PARD3B: variants seen among roughly 807,000 people sequenced by gnomAD.
PARD3B encodes partitioning defective 3 homolog B.
Under a neutral mutation model 130.2 loss-of-function variants are expected in PARD3B, and 103 were observed. The ratio of observed to expected loss-of-function variants is 0.79; its 90% CI spans 0.67 to 0.93. The LOEUF (loss-of-function observed/expected upper bound fraction) is 0.93. Among genes scored for constraint, PARD3B ranks in the 40% least tolerant of loss-of-function variants. PARD3B has a pLI of 0.00. For synonymous variants in PARD3B, 583 were observed against 553.2 expected, an observed-to-expected ratio of 1.05 and a Z score of -0.76; for missense variants, 1,609 against 1,499.2, an observed-to-expected ratio of 1.07 and a Z score of -1.21.
chr2:204,678,322 C>T lies in PARD3B; in HGVS notation c.121-7859C>T, dbSNP rs182877079. Among the ~76,000 whole-genome samples the T allele has an allele frequency of 3.3e-5, 5 of 152,240 alleles. No homozygotes were observed. The East Asian group carries it at 9.7e-4, about 29-fold the overall frequency. Reference sequence around the variant, plus strand: ...GAGGTTGTGTATTACAAACAATGCCCTTTTGGTTGTTGCCTTCAACAGAGA... The same window carrying T: ...GAGGTTGTGTATTACAAACAATGCCTTTTTGGTTGTTGCCTTCAACAGAGA... On this transcript the variant is annotated intron_variant, in intron 1 of 22. Coordinates refer to ENST00000406610, the MANE Select transcript of PARD3B (RefSeq NM_001302769.2). This position sits in a 1 kb window ranked among gnomAD's most constrained non-coding sequence, Gnocchi z 4.2.
intron 3 of PARD3B, among the ~76,000 whole-genome samples, chr2:205,009,236 A>C (rs1244997670): frequency 6.6e-6 from 1 of 152,250 alleles, no homozygotes; most frequent in African/African-American, 2.4e-5. Context: ...TGAGCTGACT[A>C]GAGTTCGAAA....
At chr2:205,081,310 G>C (rs1467667141) in intron 4 of PARD3B, among the ~76,000 whole-genome samples, 1 of 151,814 alleles carries the variant, frequency 6.6e-6, no homozygotes, top group Non-Finnish European at 1.5e-5. Context: ...ATAATCTAGA[G>C]TTACATTTGT....
rs183551375 is a variant in PARD3B, at chr2:204,661,608, A to G, written c.121-24573A>G. 3.6e-3 allele frequency among the ~76,000 whole-genome samples: 544 copies of G among 152,322 alleles called. 3 individuals are homozygous for G. The highest frequency in any genetic ancestry group is 0.013 in the African/African-American group (530 of 41,572). On this transcript the variant is annotated intron_variant, in intron 1 of 22. Coordinates refer to ENST00000406610, the MANE Select transcript of PARD3B (RefSeq NM_001302769.2). ...GCTGTCTTAACTCCTTGAGAACCCA[A>G]ATGAGCTTAAGTATATGTGGCTTAT... is the stretch of plus-strand genomic sequence containing the variant.
chr2:205,334,160 C>A (rs979960381), intron 18 of PARD3B, among the ~76,000 whole-genome samples: 10 of 152,126 alleles, frequency 6.6e-5, no homozygotes, highest in Non-Finnish European at 8.8e-5. Context: ...AACCTGTAAC[C>A]TCTAAAGGGT....
chr2:205,130,309 A>T (rs2125644400), intron 10 of PARD3B, among the ~76,000 whole-genome samples: 1 of 152,336 alleles, frequency 6.6e-6, no homozygotes, highest in Non-Finnish European at 1.5e-5. Context: ...CTAGTTAATC[A>T]ACTGGTGGTT....
rs756667509 is a variant in PARD3B at position 204,906,814 on chromosome 2, C to T, written c.223-58338C>T. On this transcript the variant is annotated intron_variant, in intron 2 of 22. Transcript: ENST00000406610. This position sits in a 1 kb window ranked among gnomAD's most constrained non-coding sequence, Gnocchi z 4.3. ...ATTTTACATTGGATTATTTCATCTG[C>T]GTGGTTTTGTACACCATTTGAATTG... Among the ~76,000 whole-genome samples the T allele has an allele frequency of 1.3e-5, 2 of 151,896 alleles. No homozygotes were observed. Among genetic ancestry groups the T allele is most frequent in the South Asian group, 2.1e-4 (1 of 4,816 alleles).
chr2:205,290,466 T>G (rs1157960770), intron 16 of PARD3B, among the ~76,000 whole-genome samples: 2 of 152,194 alleles, frequency 1.3e-5, no homozygotes, highest in Non-Finnish European at 2.9e-5. Flanking sequence ...GTATGCACTC[T>G]CAGGGAACTT....
At position 205,265,247 on chromosome 2, in the gene PARD3B, G is replaced by T. The variant is rs17251025; in HGVS notation, c.2185+19425G>T. Among the ~76,000 whole-genome samples, 1 of 151,970 alleles carries T rather than the reference G, an allele frequency of 6.6e-6. No homozygotes were observed. Among genetic ancestry groups the T allele is most frequent in the African/African-American group, 2.4e-5 (1 of 41,386 alleles). ...ACTTAGACAAAGCAAGGTCTTCCAA[G>T]AATAAGCACAAAATGTCTATACACA... On this transcript the variant is annotated intron_variant, in intron 16 of 22. Coordinates refer to ENST00000406610, the MANE Select transcript of PARD3B (RefSeq NM_001302769.2). This position sits in a 1 kb window ranked among gnomAD's most constrained non-coding sequence, Gnocchi z 4.3.
intron 2 of PARD3B, among the ~76,000 whole-genome samples, chr2:204,951,349 T>A (rs1466056676): frequency 6.7e-6 from 1 of 149,452 alleles, no homozygotes; most frequent in African/African-American, 2.5e-5. Flanking sequence ...AGATCTCTGT[T>A]ACTGGGACTT....
rs1229203211 is a variant in PARD3B at position 205,463,701 on chromosome 2, TTA to T, written c.3044+23031_3044+23032del. 1.3e-5 allele frequency among the ~76,000 whole-genome samples: 2 copies of T among 152,150 alleles called. No homozygotes were observed. Among genetic ancestry groups the T allele is most frequent in the Non-Finnish European group, 2.9e-5 (2 of 68,026 alleles). On this transcript the variant is annotated intron_variant, in intron 20 of 22. Transcript: ENST00000406610. This position sits in a 1 kb window ranked among gnomAD's most constrained non-coding sequence, Gnocchi z 4.8. The stretch of plus-strand genomic sequence containing the variant: ...GTTGCTGAAGAAAAGCTGTTAAAAA[TTA>T]TGTTTATAGGCCAGTCACTTGCACG...
chr2:205,548,137 TG>T (rs1267751393), intron 21 of PARD3B, among the ~76,000 whole-genome samples: 4 of 152,220 alleles, frequency 2.6e-5, no homozygotes, highest in African/African-American at 9.6e-5. Flanking sequence ...GCCCTTTAAA[TG>T]ATGGTGTTCC....
intron 3 of PARD3B, among the ~76,000 whole-genome samples, chr2:204,985,154 C>G (rs145386132): frequency 1.3e-4 from 20 of 152,058 alleles, no homozygotes; most frequent in Non-Finnish European, 2.4e-4. Context: ...TCCCCTTTTC[C>G]TTCCCCCACT....
At chr2:204,723,683 GT>G in intron 2 of PARD3B, among the ~76,000 whole-genome samples, 1 of 152,092 alleles carries the variant, frequency 6.6e-6, no homozygotes, top group East Asian at 1.9e-4. Flanking sequence ...GATGAAAAGT[GT>G]AGTGTGATAA....
intron 5 of PARD3B, among the ~76,000 whole-genome samples, chr2:205,107,907 A>C (rs571895058): frequency 6.6e-6 from 1 of 152,318 alleles, no homozygotes; most frequent in East Asian, 1.9e-4. Flanking sequence ...AGCAATATGT[A>C]CAAAAGACCT....
chr2:205,157,736 A>T (rs530410449), intron 10 of PARD3B, among the ~76,000 whole-genome samples: 2 of 152,294 alleles, frequency 1.3e-5, no homozygotes, highest in Admixed American at 6.5e-5. Context: ...TGAGTTGATC[A>T]TTTCCAGGAG....
intron 2 of PARD3B, among the ~76,000 whole-genome samples, chr2:204,873,281 C>T (rs906631473): frequency 8.5e-5 from 13 of 152,136 alleles, no homozygotes; most frequent in African/African-American, 2.2e-4. Context: ...CTAAAGAGGA[C>T]GTGAATGCCA....
chr2:204,605,728 T>C (rs1378624104), intron 1 of PARD3B, among the ~76,000 whole-genome samples: 1 of 152,176 alleles, frequency 6.6e-6, no homozygotes. Flanking sequence ...AAGAGAATTA[T>C]AATGATATCC....
At chr2:204,832,749 G>A (rs895025560) in intron 2 of PARD3B, among the ~76,000 whole-genome samples, 1 of 152,148 alleles carries the variant, frequency 6.6e-6, no homozygotes, top group African/African-American at 2.4e-5. Flanking sequence ...TTGTGTTCTG[G>A]AAGTATTGTG....
intron 2 of PARD3B, among the ~76,000 whole-genome samples, chr2:204,815,296 T>G (rs1006206612): frequency 2.0e-5 from 3 of 151,964 alleles, no homozygotes; most frequent in African/African-American, 7.2e-5. Context: ...TTAACCTAAG[T>G]TGTTGAATTT....
Sources: gnomAD v4.1 joint callset for allele counts (sites outside exome capture counted in the v4.1 genomes callset) on GRCh38, gnomAD v4.1.1 for gene constraint, Gnocchi (gnomAD v3.1) non-coding constraint, MANE v1.5 for transcripts, NCBI Gene and HGNC (gene_info 2026-07-23, HGNC 2026-07-21) for gene names.